Variants in SLAIN2 observed in about 807,000 individuals in gnomAD.
The protein encoded by SLAIN2 is SLAIN motif-containing protein 2.
A neutral mutation model predicts 56.6 loss-of-function variants in SLAIN2; 31 were observed. That is an observed-to-expected ratio of 0.55 (90% CI 0.41 to 0.74). SLAIN2 has a LOEUF of 0.74. Ranked by LOEUF, SLAIN2 falls within the 30% of genes least tolerant of loss-of-function variation. The pLI is 0.00. For synonymous variants in SLAIN2, 317 were observed against 284.9 expected (o/e 1.11, Z -1.13); for missense variants, 777 against 754.2 (o/e 1.03, Z -0.35).
rs1015781198 is a variant in SLAIN2, at chr4:48,422,937, T to G, written c.*860T>G. The G allele has an allele frequency of 2.6e-5, 4 of 152,208 alleles. No homozygotes were observed. Among genetic ancestry groups the G allele is most frequent in the African/African-American group, 9.6e-5 (4 of 41,454 alleles). 9.4% of individuals were successfully genotyped at this position (152,208 alleles called of 1,614,324 possible). A position where few individuals can be genotyped will look rare whatever the true frequency, so the allele number is the denominator to read the frequency against. ...TTATCTTTACAGAACTAAGAGATCT[T>G]GTTTCTATTAGCAGGTTTTCATGAT... On this transcript the variant is annotated 3_prime_UTR_variant, in exon 8 of 8. Coordinates refer to ENST00000264313, the MANE Select transcript of SLAIN2 (RefSeq NM_020846.2).
chr4:48,403,602 C>T (rs1220784014), intron 6 of SLAIN2, among the ~76,000 whole-genome samples: 1 of 152,192 alleles, frequency 6.6e-6, no homozygotes, highest in Non-Finnish European at 1.5e-5. Flanking sequence ...CACCCTTCCT[C>T]CCAGGAGTTC....
chr4:48,420,066 A>T lies in SLAIN2; in HGVS notation c.1361-59A>T, dbSNP rs1577743134. 3.9e-6 allele frequency: 6 copies of T among 1,531,804 alleles called. No homozygotes were observed. In the East Asian group the frequency reaches 1.4e-4, roughly 35 times the overall value. 94.9% of individuals were successfully genotyped at this position (1,531,804 alleles called of 1,614,324 possible). On this transcript the variant is annotated intron_variant, in intron 6 of 7. Transcript: ENST00000264313. The stretch of plus-strand genomic sequence containing the variant: ...CCAATCATCAGTTGTAATTTAAAGC[A>T]ATGGTTTCATATATACAGATTTCCA...
At chr4:48,371,428 A>G (rs1018510211) in intron 2 of SLAIN2, among the ~76,000 whole-genome samples, 1 of 152,130 alleles carries the variant, frequency 6.6e-6, no homozygotes, top group Non-Finnish European at 1.5e-5. Context: ...AATGTTTAGT[A>G]TGACTATCAG....
In SLAIN2 at chr4:48,416,735, A is replaced by G. The variant is rs1287574032; in HGVS notation, c.1361-3390A>G. ...CGCTCAACTACATGGAAACTGAACA[A>G]CCTGCTCCTGAATGACTACTGGGTA... On this transcript the variant is annotated intron_variant, in intron 6 of 7. Coordinates refer to ENST00000264313, the MANE Select transcript of SLAIN2 (RefSeq NM_020846.2). 1.1e-4 allele frequency among the ~76,000 whole-genome samples: 16 copies of G among 149,642 alleles called. No homozygotes were observed. The East Asian group carries it at 2.4e-3, about 22-fold the overall frequency.
chr4:48,416,823 A>G (rs1438451759), intron 6 of SLAIN2, among the ~76,000 whole-genome samples: 1 of 54,354 alleles, frequency 1.8e-5, no homozygotes, highest in African/African-American at 7.2e-5. Flanking sequence ...AAGACACCAC[A>G]TACCAGAATC....
chr4:48,412,365 T>TACACACACACACACACACACACACAC (rs748099130), intron 6 of SLAIN2, among the ~76,000 whole-genome samples: 1 of 112,904 alleles, frequency 8.9e-6, no homozygotes, highest in Non-Finnish European at 1.9e-5. Flanking sequence ...TTTGTATATG[T>TACACACACACACACACACACACACAC]ACACACACAC....
intron 6 of SLAIN2, among the ~76,000 whole-genome samples, chr4:48,393,186 A>T (rs1716279245): frequency 6.6e-6 from 1 of 152,024 alleles, no homozygotes; most frequent in Non-Finnish European, 1.5e-5. Flanking sequence ...CAGCCTGGCC[A>T]ATATGGTGAA....
chr4:48,382,472 C>CT, intron 4 of SLAIN2, 96 bp from the exon 5 acceptor site: 1 of 1,283,308 alleles, frequency 7.8e-7, no homozygotes, highest in Non-Finnish European at 1.0e-6. Flanking sequence ...TTTACACCCT[C>CT]TTTGAATTTT....
rs1483956595 is a variant in SLAIN2 at position 48,424,586 on chromosome 4, A to G, written c.*2509A>G. 1 of 152,162 alleles carries G rather than the reference A, an allele frequency of 6.6e-6. No homozygotes were observed. Among genetic ancestry groups the G allele is most frequent in the African/African-American group, 2.4e-5 (1 of 41,454 alleles). The allele number at this position is 152,162 out of a possible 1,614,324, so 9.4% of individuals were successfully genotyped here. ...GTAAAGAATTGGAAAAAATATAAAT[A>G]TTCTTAACTCAAGCATTTGCTGGAT... On this transcript the variant is annotated 3_prime_UTR_variant, in exon 8 of 8. Transcript: ENST00000264313.
chr4:48,377,423 C>G (rs1010397333), intron 2 of SLAIN2, among the ~76,000 whole-genome samples: 2 of 151,068 alleles, frequency 1.3e-5, no homozygotes, highest in African/African-American at 2.4e-5. Context: ...AAGTGATCAG[C>G]CCACCTCAGC....
intron 2 of SLAIN2, among the ~76,000 whole-genome samples, chr4:48,375,938 C>G (rs1420739387): frequency 6.6e-6 from 1 of 152,250 alleles, no homozygotes; most frequent in Non-Finnish European, 1.5e-5. Context: ...CCCAGTTTCT[C>G]TCAGTTGTAA....
chr4:48,368,798 T>C (rs1348541206), intron 1 of SLAIN2, among the ~76,000 whole-genome samples: 1 of 152,192 alleles, frequency 6.6e-6, no homozygotes, highest in African/African-American at 2.4e-5. Flanking sequence ...TATTTAGCCT[T>C]GATGATCTTG....
At chr4:48,402,180 T>G (rs1716572499) in intron 6 of SLAIN2, among the ~76,000 whole-genome samples, 1 of 151,282 alleles carries the variant, frequency 6.6e-6, no homozygotes, top group South Asian at 2.1e-4. Context: ...TGACCTGGCC[T>G]TTGTCTCTGG....
At chr4:48,347,020 TTTAA>T (rs1275645534) in intron 1 of SLAIN2, among the ~76,000 whole-genome samples, 4 of 151,928 alleles carry the variant, frequency 2.6e-5, no homozygotes, top group Admixed American at 2.0e-4. Flanking sequence ...CTAAAATGGC[TTTAA>T]TTTTTTTTCT....
chr4:48,383,944 A>G, intron 6 of SLAIN2, 160 bp downstream of exon 6: 1 of 686,570 alleles, frequency 1.5e-6, no homozygotes, highest in South Asian at 2.7e-5. Context: ...GATGATAATC[A>G]AAGTTATATT....
At chr4:48,377,825 A>G in intron 2 of SLAIN2, 71 bp from the exon 3 acceptor site, 1 of 1,425,826 alleles carries the variant, frequency 7.0e-7, no homozygotes, top group Middle Eastern at 2.0e-4. Context: ...TTCTAATAGG[A>G]AAACTTCAGA....
rs762908281 is a variant in SLAIN2 at position 48,382,596 on chromosome 4, G to C, written c.891G>C (p.Thr297=). 1.3e-6 allele frequency: 2 copies of C among 1,588,304 alleles called. No homozygotes were observed. Among genetic ancestry groups the C allele is most frequent in the Non-Finnish European group, 1.7e-6 (2 of 1,159,892 alleles). ...ESLRQEYAAT[T]SRRSSGSSCN... ...TCCGGCAAGAATATGCAGCCACCAC[G>C]TCTCGGCGCAGTTCTGGTTCATCTT... is the stretch of plus-strand genomic sequence containing the variant. The change falls in exon 5 of 8, where the codon ACG becomes ACC. Residue 297 remains threonine, a synonymous_variant. Coordinates refer to ENST00000264313, the MANE Select transcript of SLAIN2 (RefSeq NM_020846.2).
At chr4:48,378,897 A>G (rs1163968442) in intron 3 of SLAIN2, among the ~76,000 whole-genome samples, 2 of 152,130 alleles carry the variant, frequency 1.3e-5, no homozygotes, top group Non-Finnish European at 2.9e-5. Flanking sequence ...ATAAAGATTA[A>G]TTATTTTGTA....
chr4:48,412,941 A>G (rs905041790), intron 6 of SLAIN2, among the ~76,000 whole-genome samples: 1 of 152,100 alleles, frequency 6.6e-6, no homozygotes, highest in Admixed American at 6.5e-5. Context: ...TGATAATGAC[A>G]CTTTGGCCAG....
Sources: allele counts gnomAD v4.1 joint callset (sites outside exome capture counted in the v4.1 genomes callset), GRCh38; gene constraint gnomAD v4.1.1; transcripts MANE v1.5; gene names NCBI Gene and HGNC (gene_info 2026-07-23, HGNC 2026-07-21).